PABPC1: variants seen among roughly 807,000 people sequenced by gnomAD.
PABPC1 encodes the protein polyadenylate-binding protein 1.
PABPC1 carries 4 observed loss-of-function variants against 74.0 expected under a neutral mutation model. The ratio of observed to expected loss-of-function variants is 0.05; its 90% CI spans 0.03 to 0.12. PABPC1 has a LOEUF of 0.12. Among genes scored for constraint, PABPC1 ranks in the 10% least tolerant of loss-of-function variants. The pLI, the probability that PABPC1 is intolerant of heterozygous loss-of-function variation, is 1.00. For synonymous variants in PABPC1, 227 were observed against 264.1 expected (o/e 0.86, Z 1.36); for missense variants, 271 against 821.1 (o/e 0.33, Z 8.19).
At position 100,721,320 on chromosome 8, in the gene PABPC1, C is replaced by G; in HGVS notation, c.193+71G>C. ...CCCCTCCCCGGGCCCGCCGGCCTAC[C>G]CCGCCCGCCGCCGCCGCCCGAGCCT... is the stretch of plus-strand genomic sequence containing the variant. On this transcript the variant is annotated intron_variant, in intron 1 of 14. Transcript: ENST00000318607. The surrounding 1 kb of genome is among the most constrained non-coding windows in gnomAD (Gnocchi z 7.4). The G allele has an allele frequency of 1.1e-6, 1 of 907,568 alleles. No homozygotes were observed. Among genetic ancestry groups the G allele is most frequent in the Non-Finnish European group, 1.4e-6 (1 of 721,044 alleles). The allele number at this position is 907,568 out of a possible 1,614,324, so 56.2% of individuals were successfully genotyped here.
chr8:100,712,845 C>A, intron 5 of PABPC1, 56 bp from the exon 6 acceptor site: 1 of 1,507,028 alleles, frequency 6.6e-7, no homozygotes, highest in South Asian at 1.3e-5. Context: ...ACTTACAGTT[C>A]ATTTCCTTAA....
intron 11 of PABPC1, among the ~76,000 whole-genome samples, chr8:100,705,992 C>G (rs1408677581): frequency 6.6e-6 from 1 of 152,154 alleles, no homozygotes; most frequent in East Asian, 1.9e-4. Flanking sequence ...GGATTACAGG[C>G]ATGTGCCACC....
chr8:100,715,154 CACACATATAT>C (rs1810636113), intron 4 of PABPC1, among the ~76,000 whole-genome samples: 2 of 78,784 alleles, frequency 2.5e-5, no homozygotes, highest in African/African-American at 7.9e-5. Flanking sequence ...CACACACACA[CACACATATAT>C]ATCTCCAGCC....
chr8:100,707,878 T>C lies in PABPC1; in HGVS notation c.1337-881A>G, dbSNP rs935096209. The stretch of plus-strand genomic sequence containing the variant: ...TGGCAACGGGCGTCTTCCCAGACGC[T>C]GGCGTTACCACTAGACCAAGGAGCC... On this transcript the variant is annotated intron_variant, in intron 9 of 14. Transcript: ENST00000318607. 3.3e-5 allele frequency among the ~76,000 whole-genome samples: 5 copies of C among 152,386 alleles called. 1 individual carries two copies. The highest frequency in any genetic ancestry group is 4.8e-5 in the African/African-American group (2 of 41,604).
intron 7 of PABPC1, among the ~76,000 whole-genome samples, chr8:100,710,115 A>G (rs1320658691): frequency 6.6e-6 from 1 of 152,208 alleles, no homozygotes; most frequent in Non-Finnish European, 1.5e-5. Flanking sequence ...TGACTATTCT[A>G]ACAATTCAAG....
chr8:100,720,841 A>G (rs1196774851), intron 1 of PABPC1, among the ~76,000 whole-genome samples: 3 of 152,228 alleles, frequency 2.0e-5, no homozygotes, highest in African/African-American at 4.8e-5. Context: ...ACATCGCCAC[A>G]GGAACTTTAT....
At chr8:100,710,835 A>T (rs1482687718) in intron 7 of PABPC1, among the ~76,000 whole-genome samples, 1 of 152,028 alleles carries the variant, frequency 6.6e-6, no homozygotes, top group Non-Finnish European at 1.5e-5. Flanking sequence ...AAAAATACAA[A>T]AATTAGCCGG....
chr8:100,705,455 T>C (rs888554787), intron 12 of PABPC1, 134 bp downstream of exon 12: 2 of 722,412 alleles, frequency 2.8e-6, no homozygotes, highest in Admixed American at 4.1e-5. Context: ...GCAGACCAAC[T>C]GTACTATCAT....
At chr8:100,704,884 A>AT (rs1563608603) in intron 13 of PABPC1, 42 bp downstream of exon 13, 1 of 1,606,896 alleles carries the variant, frequency 6.2e-7, no homozygotes, top group Non-Finnish European at 8.5e-7. Flanking sequence ...AAGCCACGTA[A>AT]TAACTGTGTA....
intron 3 of PABPC1, among the ~76,000 whole-genome samples, chr8:100,715,958 T>C (rs1327480256): frequency 7.2e-5 from 11 of 152,366 alleles, no homozygotes; most frequent in Admixed American, 5.2e-4. Context: ...CATTTTAAAG[T>C]GGCGCTTGCG....
At position 100,721,761 on chromosome 8, in the gene PABPC1, C is replaced by G. The variant is rs976710761; in HGVS notation, c.-178G>C. On this transcript the variant is annotated 5_prime_UTR_variant, in exon 1 of 15. Transcript: ENST00000318607. The surrounding 1 kb of genome is among the most constrained non-coding windows in gnomAD (Gnocchi z 7.4). ...CCGCAGAACGGGGTCGATCCACTGC[C>G]GCTGGCTGCCGGCTGCCGGCGGGGA... The G allele has an allele frequency of 1.0e-5, 5 of 496,470 alleles. No individual in the cohort carries two copies. Among genetic ancestry groups the G allele is most frequent in the African/African-American group, 1.0e-4 (5 of 49,784 alleles). 30.8% of individuals were successfully genotyped at this position (496,470 alleles called of 1,614,324 possible).
intron 7 of PABPC1, 168 bp from the exon 8 acceptor site, chr8:100,709,899 A>C: frequency 1.4e-6 from 1 of 722,236 alleles, no homozygotes; most frequent in Non-Finnish European, 2.2e-6. Flanking sequence ...TTAATACCCA[A>C]TTATTAAGGG....
At chr8:100,713,654 G>A (rs899063679) in intron 4 of PABPC1, among the ~76,000 whole-genome samples, 9 of 152,044 alleles carry the variant, frequency 5.9e-5, no homozygotes, top group African/African-American at 2.2e-4. Context: ...ACCATGCCTG[G>A]CTAATTTATT....
At position 100,720,853 on chromosome 8, in the gene PABPC1, C is replaced by T. The variant is rs538290040; in HGVS notation, c.193+538G>A. ...CACACATCGCCACAGGAACTTTATC[C>T]TAAGGCCTGGTGGCTCCCCCAGGCG... On this transcript the variant is annotated intron_variant, in intron 1 of 14. Transcript: ENST00000318607. Among the ~76,000 whole-genome samples the T allele has an allele frequency of 3.3e-5, 5 of 152,314 alleles. No homozygotes were observed. In the East Asian group the frequency reaches 9.6e-4, roughly 29 times the overall value.
rs1554596047 is a variant in PABPC1, at chr8:100,712,798, C to CCA, written c.739-10_739-9insTG. 3.4e-6 allele frequency: 5 copies of CCA among 1,454,862 alleles called. No individual in the cohort carries two copies. In the South Asian group the frequency reaches 4.1e-5, roughly 12 times the overall value. The allele number at this position is 1,454,862 out of a possible 1,614,324, so 90.1% of individuals were successfully genotyped here. ...TTCATCTCATCCACAGCCTTCCCCC[C>CCA]AAAAAAAAAGAAAAAAAAAAAATCA... On this transcript the variant is annotated splice_polypyrimidine_tract_variant and intron_variant, in intron 5 of 14. Coordinates refer to ENST00000318607, the MANE Select transcript of PABPC1 (RefSeq NM_002568.4).
chr8:100,709,895 C>T (rs1369705911), intron 7 of PABPC1, 164 bp from the exon 8 acceptor site: 2 of 785,440 alleles, frequency 2.5e-6, no homozygotes, highest in East Asian at 2.7e-5. Flanking sequence ...TTCCTTAATA[C>T]CCAATTATTA....
chr8:100,712,018 T>C (rs1285417214), intron 7 of PABPC1, among the ~76,000 whole-genome samples: 2 of 152,222 alleles, frequency 1.3e-5, no homozygotes, highest in East Asian at 3.8e-4. Flanking sequence ...GGGAGGGAAC[T>C]GGGGCTTGAC....
chr8:100,708,228 A>T (rs1486051093), intron 9 of PABPC1, among the ~76,000 whole-genome samples: 1 of 152,284 alleles, frequency 6.6e-6, no homozygotes, highest in Non-Finnish European at 1.5e-5. Flanking sequence ...TATACCTGAA[A>T]CATAATCATG....
At chr8:100,704,817 G>A in intron 13 of PABPC1, 109 bp downstream of exon 13, 1 of 1,104,302 alleles carries the variant, frequency 9.1e-7, no homozygotes, top group Non-Finnish European at 1.3e-6. Flanking sequence ...CTTTACAACT[G>A]TACATGGCTT....
Sources: gnomAD v4.1 joint callset for allele counts (sites outside exome capture counted in the v4.1 genomes callset) on GRCh38, gnomAD v4.1.1 for gene constraint, Gnocchi (gnomAD v3.1) non-coding constraint, MANE v1.5 for transcripts, NCBI Gene and HGNC (gene_info 2026-07-23, HGNC 2026-07-21) for gene names.